CADPS2: variants seen among roughly 807,000 people sequenced by gnomAD.
CADPS2 encodes calcium dependent secretion activator 2.
In CADPS2, 93 loss-of-function variants were observed where a neutral mutation model predicts 172.5. The ratio of observed to expected loss-of-function variants is 0.54; its 90% confidence interval spans 0.46 to 0.64. The LOEUF (loss-of-function observed/expected upper bound fraction) is 0.64. Among genes scored for constraint, CADPS2 ranks in the 30% least tolerant of loss-of-function variants. The pLI, the probability that CADPS2 is intolerant of heterozygous loss-of-function variation, is 0.00. For missense variants in CADPS2, 1,420 were observed against 1,565.9 expected (o/e 0.91, Z 1.57); for synonymous variants, 546 against 555.2 (o/e 0.98, Z 0.23).
intron 3 of CADPS2, among the ~76,000 whole-genome samples, chr7:122,641,637 C>T (rs908312637): frequency 1.3e-5 from 2 of 152,238 alleles, no homozygotes; most frequent in African/African-American, 4.8e-5. Flanking sequence ...CCAGGGAAAA[C>T]AGTCACCTCA....
At chr7:122,547,530 C>T (rs1334614336) in intron 8 of CADPS2, among the ~76,000 whole-genome samples, 1 of 152,062 alleles carries the variant, frequency 6.6e-6, no homozygotes, top group Non-Finnish European at 1.5e-5. Context: ...ATCAATTCAA[C>T]AAATATTTGT....
intron 28 of CADPS2, 25 bp downstream of exon 28, chr7:122,345,549 A>G: frequency 7.4e-7 from 1 of 1,357,232 alleles, no homozygotes; most frequent in Non-Finnish European, 1.1e-6. Context: ...TGGTGTCAGC[A>G]TACCTTGCAA....
intron 6 of CADPS2, among the ~76,000 whole-genome samples, chr7:122,587,328 A>C (rs559156562): frequency 6.6e-6 from 1 of 151,964 alleles, no homozygotes; most frequent in African/African-American, 2.4e-5. Flanking sequence ...ATGTGATCTC[A>C]CTGCTCAGCT....
At chr7:122,358,228 T>C (rs536797089) in intron 27 of CADPS2, among the ~76,000 whole-genome samples, 2 of 152,262 alleles carry the variant, frequency 1.3e-5, no homozygotes, top group Admixed American at 1.3e-4. Context: ...CAAATGATAT[T>C]GAGCATTTTT....
intron 7 of CADPS2, among the ~76,000 whole-genome samples, chr7:122,573,200 C>A (rs775588148): frequency 6.6e-6 from 1 of 152,012 alleles, no homozygotes; most frequent in East Asian, 1.9e-4. Flanking sequence ...CTTGGCATAC[C>A]CCAAACCAAC....
intron 1 of CADPS2, among the ~76,000 whole-genome samples, chr7:122,838,165 C>A (rs1434964955): frequency 6.6e-6 from 1 of 152,098 alleles, no homozygotes; most frequent in African/African-American, 2.4e-5. Flanking sequence ...ATAAACAGAA[C>A]CAAAGACAAA....
intron 1 of CADPS2, among the ~76,000 whole-genome samples, chr7:122,834,717 AGGC>A (rs1170184223): frequency 6.6e-6 from 1 of 152,200 alleles, no homozygotes; most frequent in Non-Finnish European, 1.5e-5. Context: ...TCAAACTGCA[AGGC>A]GGCAGCGAGG....
At chr7:122,553,039 A>G (rs550347016) in intron 8 of CADPS2, among the ~76,000 whole-genome samples, 8 of 152,170 alleles carry the variant, frequency 5.3e-5, no homozygotes, top group Middle Eastern at 3.4e-3. Context: ...CTGGAATGCC[A>G]GTTCTCCCAC....
At chr7:122,536,918 G>A (rs1414491696) in intron 8 of CADPS2, among the ~76,000 whole-genome samples, 1 of 152,018 alleles carries the variant, frequency 6.6e-6, no homozygotes, top group East Asian at 1.9e-4. Context: ...ATTAAGGGAA[G>A]CTGATATCTG....
chr7:122,613,651 T>C (rs983149875), intron 6 of CADPS2, among the ~76,000 whole-genome samples: 3 of 151,696 alleles, frequency 2.0e-5, no homozygotes, highest in African/African-American at 4.8e-5. Context: ...CTGGATTGGT[T>C]GGGGGTTGAT....
intron 25 of CADPS2, among the ~76,000 whole-genome samples, chr7:122,366,106 T>G (rs1185580131): frequency 1.3e-5 from 2 of 151,670 alleles, no homozygotes; most frequent in East Asian, 1.9e-4. Context: ...TTTTGTTTTT[T>G]TTTTTGTTAA....
Position 122,393,202 on chromosome 7 carries a change from T to C in CADPS2, c.3002A>G (p.Glu1001Gly). 1 of 1,613,504 alleles carries C rather than the reference T, an allele frequency of 6.2e-7. No individual in the cohort carries two copies. Among genetic ancestry groups the C allele is most frequent in the Non-Finnish European group, 8.5e-7 (1 of 1,179,716 alleles). ...STASWMPSLY[E>G]STNGSATSED... ...ATAAGTGAGGAATACACACGTGGAC[T>C]CATATAAAGAAGGCATCCACGAAGC... The change falls in exon 22 of 30, where the codon GAG becomes GGG. Residue 1001 changes from glutamate (E) to glycine (G), a missense_variant. By Grantham distance (98) the Glu-to-Gly change is moderately conservative (BLOSUM62 -2). Coordinates refer to ENST00000449022, the MANE Select transcript of CADPS2 (RefSeq NM_017954.11).
At chr7:122,321,029 T>C (rs2150667975) in intron 29 of CADPS2, among the ~76,000 whole-genome samples, 1 of 152,366 alleles carries the variant, frequency 6.6e-6, no homozygotes, top group Non-Finnish European at 1.5e-5. Context: ...ATTTGCTGTA[T>C]TATGTATCAA....
intron 12 of CADPS2, among the ~76,000 whole-genome samples, chr7:122,474,972 T>C (rs936701634): frequency 2.0e-5 from 3 of 152,126 alleles, no homozygotes; most frequent in Non-Finnish European, 2.9e-5. Flanking sequence ...CTTCTTTTTG[T>C]ATGGAGCTTT....
At chr7:122,520,719 C>T (rs569466045) in intron 8 of CADPS2, among the ~76,000 whole-genome samples, 2 of 152,212 alleles carry the variant, frequency 1.3e-5, no homozygotes, top group East Asian at 3.9e-4. Flanking sequence ...TCAAAGAATA[C>T]TTCAACACAC....
chr7:122,852,097 G>GT (rs1460869122), intron 1 of CADPS2, among the ~76,000 whole-genome samples: 1 of 152,000 alleles, frequency 6.6e-6, no homozygotes, highest in Admixed American at 6.6e-5. Context: ...AAGTGAAAAA[G>GT]TTTTTTTCTA....
At chr7:122,750,721 AATT>A (rs1409789972) in intron 1 of CADPS2, among the ~76,000 whole-genome samples, 3 of 152,266 alleles carry the variant, frequency 2.0e-5, no homozygotes, top group African/African-American at 7.2e-5. Context: ...AAAGCCAGCT[AATT>A]ACAATCCCCT....
intron 2 of CADPS2, among the ~76,000 whole-genome samples, chr7:122,733,865 A>T (rs190646808): frequency 4.6e-5 from 7 of 152,196 alleles, no homozygotes; most frequent in Admixed American, 4.6e-4. Context: ...TGCTTGAGTC[A>T]AGGATTTCTA....
At chr7:122,379,263 C>A in intron 25 of CADPS2, 105 bp downstream of exon 25, 1 of 736,482 alleles carries the variant, frequency 1.4e-6, no homozygotes, top group Non-Finnish European at 2.1e-6. Flanking sequence ...CTGCCCTAAT[C>A]TTTTAAACTA....
Sources: allele counts gnomAD v4.1 joint callset (sites outside exome capture counted in the v4.1 genomes callset), GRCh38; gene constraint gnomAD v4.1.1; transcripts MANE v1.5; gene names NCBI Gene and HGNC (gene_info 2026-07-23, HGNC 2026-07-21).